ERC2: variants seen among roughly 807,000 people sequenced by gnomAD.
The protein encoded by ERC2 is ELKS/RAB6-interacting/CAST family member 2, also known as ERC protein 2.
ERC2 carries 42 observed loss-of-function variants against 114.8 expected under a neutral mutation model. The observed-to-expected ratio is 0.37, with a 90% CI of 0.29 to 0.47. The LOEUF is 0.47. Ranked by LOEUF, ERC2 falls within the 20% of genes least tolerant of loss-of-function variation. ERC2 has a pLI of 0.99. For missense variants in ERC2, 939 were observed against 1,150.7 expected, an observed-to-expected ratio of 0.82 and a Z score of 2.66; for synonymous variants, 454 against 425.5, an observed-to-expected ratio of 1.07 and a Z score of -0.82.
At chr3:56,071,333 C>G (rs1404475193) in intron 7 of ERC2, among the ~76,000 whole-genome samples, 1 of 152,204 alleles carries the variant, frequency 6.6e-6, no homozygotes, top group Admixed American at 6.5e-5. Flanking sequence ...AGCCCAGGCT[C>G]TGTCACTAAT....
At chr3:56,270,292 AC>A (rs1163494401) in intron 3 of ERC2, among the ~76,000 whole-genome samples, 1 of 152,210 alleles carries the variant, frequency 6.6e-6, no homozygotes, top group East Asian at 1.9e-4. Flanking sequence ...AAATGATCAA[AC>A]CTGAAGAATT....
At chr3:55,741,989 A>G (rs9819244) in intron 14 of ERC2, among the ~76,000 whole-genome samples, 33,909 of 152,034 alleles carry the variant, frequency 0.22, 4,364 homozygotes, top group African/African-American at 0.32. Flanking sequence ...AGTGGATAAA[A>G]ATATGTGCAA....
chr3:55,615,215 G>A (rs2059074509), intron 17 of ERC2, among the ~76,000 whole-genome samples: 1 of 152,198 alleles, frequency 6.6e-6, no homozygotes, highest in Admixed American at 6.5e-5. Flanking sequence ...GGGAAGTACT[G>A]TTCTACACTT....
intron 17 of ERC2, among the ~76,000 whole-genome samples, chr3:55,512,057 G>A (rs2052111931): frequency 6.6e-6 from 1 of 152,144 alleles, no homozygotes; most frequent in African/African-American, 2.4e-5. Flanking sequence ...AATATGGCAG[G>A]GAGAGGAAAG....
intron 2 of ERC2, among the ~76,000 whole-genome samples, chr3:56,414,504 C>T (rs565809790): frequency 4.4e-4 from 67 of 152,108 alleles, no homozygotes; most frequent in South Asian, 2.1e-4. Flanking sequence ...AGGTGGATCA[C>T]GAGGTCAGGA....
intron 13 of ERC2, among the ~76,000 whole-genome samples, chr3:55,922,320 A>G (rs182495230): frequency 2.0e-5 from 3 of 152,178 alleles, no homozygotes; most frequent in Non-Finnish European, 2.9e-5. Flanking sequence ...TGGTGAGATA[A>G]TCAAAGGCCT....
intron 6 of ERC2, among the ~76,000 whole-genome samples, chr3:56,127,252 C>T (rs370734957): frequency 1.3e-5 from 2 of 152,230 alleles, no homozygotes; most frequent in East Asian, 1.9e-4. Flanking sequence ...CTACCCAAAG[C>T]TAACTACAGT....
chr3:56,432,236 G>T (rs774612189), intron 2 of ERC2, among the ~76,000 whole-genome samples: 35 of 152,054 alleles, frequency 2.3e-4, no homozygotes, highest in Non-Finnish European at 1.0e-4. Flanking sequence ...GTATAATTGG[G>T]GTCTGTGCTC....
intron 6 of ERC2, among the ~76,000 whole-genome samples, chr3:56,132,807 A>G (rs2080284033): frequency 6.6e-6 from 1 of 152,216 alleles, no homozygotes; most frequent in Admixed American, 6.5e-5. Context: ...ATATATGTGT[A>G]TGTATGTGTA....
intron 14 of ERC2, among the ~76,000 whole-genome samples, chr3:55,775,576 AT>A (rs2068537485): frequency 6.8e-6 from 1 of 147,326 alleles, no homozygotes; most frequent in Non-Finnish European, 1.5e-5. Flanking sequence ...AAATAAATAA[AT>A]AAATAAAAAA....
At chr3:55,841,244 G>A (rs114621602) in intron 14 of ERC2, among the ~76,000 whole-genome samples, 2,692 of 152,210 alleles carry the variant, frequency 0.018, 85 homozygotes, top group African/African-American at 0.061. Flanking sequence ...ATTCCCATGC[G>A]TTCCATGTGA....
intron 3 of ERC2, among the ~76,000 whole-genome samples, chr3:56,263,769 TC>T (rs1213636443): frequency 6.6e-6 from 1 of 152,096 alleles, no homozygotes; most frequent in Admixed American, 6.5e-5. Flanking sequence ...TTAAATTCTT[TC>T]AAAAATAGAA....
intron 2 of ERC2, among the ~76,000 whole-genome samples, chr3:56,335,457 T>C (rs1440131708): frequency 6.6e-6 from 1 of 152,184 alleles, no homozygotes. Flanking sequence ...AGCGATGATT[T>C]TTTAAAACTG....
At chr3:56,310,738 A>G (rs2056488602) in intron 2 of ERC2, among the ~76,000 whole-genome samples, 1 of 152,186 alleles carries the variant, frequency 6.6e-6, no homozygotes, top group Non-Finnish European at 1.5e-5. Context: ...TCCTTGGACC[A>G]AAAGCATCAG....
chr3:55,814,654 A>C (rs950374136), intron 14 of ERC2, among the ~76,000 whole-genome samples: 16 of 152,216 alleles, frequency 1.1e-4, no homozygotes, highest in African/African-American at 3.6e-4. Flanking sequence ...ACAAGTTGTA[A>C]GATATATGTG....
intron 8 of ERC2, 32 bp downstream of exon 8, chr3:56,018,862 C>T: frequency 6.2e-7 from 1 of 1,603,268 alleles, no homozygotes; most frequent in Non-Finnish European, 8.5e-7. Context: ...TTCCCCATAT[C>T]CTGATTCCCC....
At chr3:56,184,314 T>G (rs1385629986) in intron 3 of ERC2, among the ~76,000 whole-genome samples, 1 of 152,190 alleles carries the variant, frequency 6.6e-6, no homozygotes, top group African/African-American at 2.4e-5. Context: ...ACCTAACACA[T>G]GTTAAGCAAT....
intron 17 of ERC2, among the ~76,000 whole-genome samples, chr3:55,553,001 G>A (rs2055324788): frequency 8.5e-6 from 1 of 118,162 alleles, no homozygotes; most frequent in African/African-American, 3.1e-5. Context: ...TATTATTGTG[G>A]GGCTTCCAGA....
At chr3:56,060,806 G>A (rs1475356785) in intron 7 of ERC2, among the ~76,000 whole-genome samples, 1 of 152,092 alleles carries the variant, frequency 6.6e-6, no homozygotes, top group East Asian at 1.9e-4. Flanking sequence ...CTCATTGAGG[G>A]TCTCCCCCTC....
Sources: gnomAD v4.1 joint callset for allele counts (sites outside exome capture counted in the v4.1 genomes callset) on GRCh38, gnomAD v4.1.1 for gene constraint, MANE v1.5 for transcripts, NCBI Gene and HGNC (gene_info 2026-07-23, HGNC 2026-07-21) for gene names.